Variants in SLC4A11 observed in about 807,000 individuals in gnomAD.
SLC4A11 encodes the protein solute carrier family 4 member 11.
A neutral mutation model predicts 95.0 loss-of-function variants in SLC4A11; 74 were observed. The ratio of observed to expected loss-of-function variants is 0.78; its 90% CI spans 0.65 to 0.95. The LOEUF (loss-of-function observed/expected upper bound fraction) is 0.95. Among genes scored for constraint, SLC4A11 ranks in the 40% least tolerant of loss-of-function variants. The pLI, the probability that SLC4A11 is intolerant of heterozygous loss-of-function variation, is 0.00. For missense variants in SLC4A11, 1,081 were observed against 1,192.4 expected (o/e 0.91, Z 1.38); for synonymous variants, 548 against 519.0 (o/e 1.06, Z -0.76).
chr20:3,233,648 C>A lies in SLC4A11; in HGVS notation c.606-11G>T. Reference sequence around the variant, plus strand: ...GCCTTCATGGTACAGCTGGCAGGGGCGGGGAGGACACAGTGCACAGTTGCA... The same window carrying A: ...GCCTTCATGGTACAGCTGGCAGGGGAGGGGAGGACACAGTGCACAGTTGCA... On this transcript the variant is annotated splice_polypyrimidine_tract_variant and intron_variant, in intron 6 of 19. Transcript: ENST00000642402. 6.2e-7 allele frequency: 1 copy of A among 1,611,168 alleles called. No homozygotes were observed. The highest frequency in any genetic ancestry group is 1.3e-5 in the African/African-American group (1 of 75,024).
chr20:3,228,616 A>G lies in SLC4A11; in HGVS notation c.2284T>C (p.Trp762Arg). Residue 762 changes from tryptophan to arginine, a missense_variant, in exon 18 of 20, where the codon TGG becomes CGG. Transcript: ENST00000642402. ...CCATAGAGCACGGGCTTGGGGATCC[A>G]CTGAAGCGGGACCGGCAGCAGCAAC... ...SLLLLPVPLQ[W>R]IPKPVLYGLF... The G allele has an allele frequency of 6.2e-7, 1 of 1,613,250 alleles. No individual in the cohort carries two copies.
intron 1 of SLC4A11, chr20:3,238,332 G>T (rs921200583): frequency 4.1e-6 from 4 of 985,370 alleles, no homozygotes; most frequent in African/African-American, 1.7e-5. Context: ...CCGCGTGCAC[G>T]AGAGGAAAGC....
rs929151699 is a variant in SLC4A11, at chr20:3,231,522, C to T, written c.756G>A (p.Val252=). 3 of 1,613,850 alleles carry T rather than the reference C, an allele frequency of 1.9e-6. No homozygotes were observed. Among genetic ancestry groups the T allele is most frequent in the Non-Finnish European group, 2.5e-6 (3 of 1,180,034 alleles). The change falls in exon 8 of 20, where the codon GTG becomes GTA. Residue 252 remains valine, a synonymous_variant. Coordinates refer to ENST00000642402, the MANE Select transcript of SLC4A11 (RefSeq NM_001174089.2). The surrounding 1 kb of genome is among the most constrained non-coding windows in gnomAD (Gnocchi z 5.2). ...AGAACATGGTGGCAAACGTGCGCGC[C>T]ACCTCCATCGCAGTCTTAGTGCTTT... is the stretch of plus-strand genomic sequence containing the variant. ...KMKSTKTAME[V]ARTFATMFSD... is the part of the protein sequence containing the mutation.
Position 3,233,695 on chromosome 20 carries a change from C to A in SLC4A11, c.606-58G>T, listed in dbSNP as rs1057065833. 1.9e-6 allele frequency: 3 copies of A among 1,603,284 alleles called. No homozygotes were observed. In the African/African-American group the frequency reaches 4.0e-5, roughly 21 times the overall value. ...TGCACCCCAGGGAGCTGGGGCTCCC[C>A]GACCCAGAACCCCCTCGACCTTGAC... On this transcript the variant is annotated intron_variant, in intron 6 of 19. Coordinates refer to ENST00000642402, the MANE Select transcript of SLC4A11 (RefSeq NM_001174089.2).
Position 3,234,776 on chromosome 20 carries a change from G to A in SLC4A11, c.207C>T (p.Val69=), listed in dbSNP as rs535910924. 1.2e-6 allele frequency: 2 copies of A among 1,613,978 alleles called. No homozygotes were observed. The highest frequency in any genetic ancestry group is 1.1e-5 in the South Asian group (1 of 91,076). ...TGGCCTGCATCTCAAGGTTGACATT[G>A]ACAAAAAAACGGATACTCTCGCCAG... is the stretch of plus-strand genomic sequence containing the variant. ...IVSGESIRFF[V]NVNLEMQATN... Residue 69 remains valine (V), a synonymous_variant, in exon 3 of 20, where the codon GTC becomes GTT. Coordinates refer to ENST00000642402, the MANE Select transcript of SLC4A11 (RefSeq NM_001174089.2). This position sits in a 1 kb window ranked among gnomAD's most constrained non-coding sequence, Gnocchi z 5.8.
At chr20:3,230,900 A>ACCCCCCCCCCCCCCCCCCCCC in intron 10 of SLC4A11, 33 bp downstream of exon 10, 13 of 1,610,626 alleles carry the variant, frequency 8.1e-6, no homozygotes, top group Non-Finnish European at 1.1e-5. Flanking sequence ...AGCCCAGCAT[A>ACCCCCCCCCCCCCCCCCCCCC]CCCCCACCCA....
chr20:3,229,757 A>G lies in SLC4A11; in HGVS notation c.1509T>C (p.Tyr503=). ...TGTGATAGTCGTCCAAGTAATGCCCATAGTAGTACTTCCAGAAGACTGTGG... is the reference window on the plus strand; with the variant it reads ...TGTGATAGTCGTCCAAGTAATGCCCGTAGTAGTACTTCCAGAAGACTGTGG... ...GTVKIFWKYY[Y]GHYLDDYHTK... is the part of the protein sequence containing the mutation. The change falls in exon 14 of 20, where the codon TAT becomes TAC. Residue 503 remains tyrosine, a synonymous_variant. Coordinates refer to ENST00000642402, the MANE Select transcript of SLC4A11 (RefSeq NM_001174089.2). 1.2e-6 allele frequency: 2 copies of G among 1,613,936 alleles called. No homozygotes were observed. The highest frequency in any genetic ancestry group is 8.5e-7 in the Non-Finnish European group (1 of 1,179,982).
Position 3,234,236 on chromosome 20 carries a change from C to T in SLC4A11, c.370G>A (p.Val124Ile), listed in dbSNP as rs148613811. ...AGGGAGGTGGCCGTCTCGTTCAGGA[C>T]GATGCTGGCCTGCGCCAGGAAGCCA... is the stretch of plus-strand genomic sequence containing the variant. ...LDGFLAQASI[V>I]LNETATSLDN... Residue 124 changes from valine (V) to isoleucine (I), a missense_variant, in exon 5 of 20, where the codon GTC becomes ATC. Val to Ile is a conservative substitution (Grantham distance 29). This residue lies in a region of SLC4A11 where 310 missense variants were observed against 313.5 expected (regional missense o/e 0.99). Transcript: ENST00000642402. The surrounding 1 kb of genome is among the most constrained non-coding windows in gnomAD (Gnocchi z 5.8). The T allele has an allele frequency of 7.2e-5, 116 of 1,614,048 alleles. No homozygotes were observed. In the Middle Eastern group the frequency reaches 8.2e-4, roughly 11 times the overall value.
intron 19 of SLC4A11, 53 bp from the exon 20 acceptor site, chr20:3,227,909 G>T: frequency 6.4e-7 from 1 of 1,568,390 alleles, no homozygotes. Context: ...GAAGGCAGTG[G>T]ACACCCATCC....
chr20:3,234,667 C>T lies in SLC4A11; in HGVS notation c.242-50G>A. The T allele has an allele frequency of 6.2e-7, 1 of 1,613,896 alleles. No individual in the cohort carries two copies. The highest frequency in any genetic ancestry group is 8.5e-7 in the Non-Finnish European group (1 of 1,180,010). ...TCAGGGTGCCACCCTCTCCTCAGGTCTTTCTTAGTAAGGCGAGTCACACCT... is the reference window on the plus strand; with the variant it reads ...TCAGGGTGCCACCCTCTCCTCAGGTTTTTCTTAGTAAGGCGAGTCACACCT... On this transcript the variant is annotated intron_variant, in intron 3 of 19. Coordinates refer to ENST00000642402, the MANE Select transcript of SLC4A11 (RefSeq NM_001174089.2). This position sits in a 1 kb window ranked among gnomAD's most constrained non-coding sequence, Gnocchi z 5.8.
intron 13 of SLC4A11, 69 bp from the exon 14 acceptor site, chr20:3,229,845 G>A (rs2067693624): frequency 6.2e-7 from 1 of 1,605,620 alleles, no homozygotes; most frequent in African/African-American, 1.3e-5. Flanking sequence ...GGAGGGAGGG[G>A]ATCTCAGGGA....
chr20:3,238,998 G>C, intron 1 of SLC4A11, 97 bp downstream of exon 1: 1 of 1,386,736 alleles, frequency 7.2e-7, no homozygotes, highest in East Asian at 3.2e-5. Context: ...GCCCGCGCAG[G>C]CAGACGGCAT....
At chr20:3,228,176 C>G in intron 19 of SLC4A11, 83 bp downstream of exon 19, 1 of 1,382,018 alleles carries the variant, frequency 7.2e-7, no homozygotes, top group Admixed American at 2.0e-5. Flanking sequence ...TAGGTGGGAC[C>G]CCTCCTCCCA....
In SLC4A11 at chr20:3,230,783, GC is replaced by G; in HGVS notation, c.1230del (p.Gln411SerfsTer4). On this transcript the variant is annotated frameshift_variant, in exon 11 of 20. Transcript: ENST00000642402. LOFTEE classifies it high-confidence loss of function. ...IGGLLYALFS[G>X]QPLVILLTTA... Reference sequence around the variant, plus strand: ...GTGGTCAGCAGAATCACCAATGGCTGCCCAGAGAAGAGCGCGTAGAGCAGGC... The same window carrying G: ...GTGGTCAGCAGAATCACCAATGGCTGCCAGAGAAGAGCGCGTAGAGCAGGC... 6.2e-7 allele frequency: 1 copy of G among 1,613,376 alleles called. No individual in the cohort carries two copies. The highest frequency in any genetic ancestry group is 8.5e-7 in the Non-Finnish European group (1 of 1,179,992).
At chr20:3,239,074 C>T (rs1241764084) in intron 1 of SLC4A11, 21 bp downstream of exon 1, 15 of 1,470,226 alleles carry the variant, frequency 1.0e-5, no homozygotes, top group South Asian at 1.3e-5. Context: ...TCCCGCCGCG[C>T]CCCCGGGTTC....
rs764665429 is a variant in SLC4A11 at position 3,234,742 on chromosome 20, C to A, written c.241G>T (p.Glu81Ter). ...VNLEMQATNT[E>*]NEATSGGCVL... is the part of the protein sequence containing the mutation. ...TCTGCCCCTGCTGCAGCCCCCATAC[C>A]AGTGTTGGTGGCCTGCATCTCAAGG... Residue 81 changes from glutamate to a stop codon, truncating the protein, a stop_gained and splice_region_variant, in exon 3 of 20, where the codon GAG (glutamate) becomes TAG (stop). Transcript: ENST00000642402. LOFTEE classifies it high-confidence loss of function. This position sits in a 1 kb window ranked among gnomAD's most constrained non-coding sequence, Gnocchi z 5.8. The A allele has an allele frequency of 6.2e-7, 1 of 1,613,964 alleles. No homozygotes were observed. Among genetic ancestry groups the A allele is most frequent in the Non-Finnish European group, 8.5e-7 (1 of 1,180,014 alleles).
intron 16 of SLC4A11, 35 bp downstream of exon 16, chr20:3,229,060 G>GGGCCCCCCC: frequency 1.3e-6 from 2 of 1,542,094 alleles, no homozygotes; most frequent in Non-Finnish European, 1.7e-6. Context: ...AGAGGCCCGG[G>GGGCCCCCCC]CCCCGCCCAC....
chr20:3,238,291 C>G (rs747741676), intron 1 of SLC4A11: 417 of 1,236,966 alleles, frequency 3.4e-4, no homozygotes, highest in Non-Finnish European at 4.0e-4. Flanking sequence ...GTTTGTGCCT[C>G]GCTGTCGGAG....
chr20:3,237,582 G>A lies in SLC4A11; in HGVS notation c.50C>T (p.Ser17Phe). The change falls in exon 2 of 20, where the codon TCT becomes TTT. Residue 17 changes from serine to phenylalanine, a missense_variant. Physicochemically the swap from Ser to Phe is radical, Grantham distance 155 (BLOSUM62 -2). Around this residue, in one of 3 missense-constraint regions of SLC4A11, gnomAD observed 310 missense variants for 313.5 expected, o/e 0.99. Transcript: ENST00000642402. ...GTATCCATTCTGCGACATGGTGGGA[G>A]AGTTTTCTGCAAGGGAAGCAGAAAG... Reference protein sequence around the residue: ...RVFHLQPCENSPTMSQNGYFE... With the variant: ...RVFHLQPCENFPTMSQNGYFE... 6.2e-7 allele frequency: 1 copy of A among 1,614,086 alleles called. No individual in the cohort carries two copies. The highest frequency in any genetic ancestry group is 8.5e-7 in the Non-Finnish European group (1 of 1,180,032).
Sources: allele counts gnomAD v4.1 joint callset, GRCh38; gene constraint gnomAD v4.1.1; regional missense constraint gnomAD v4.1.1; non-coding constraint Gnocchi (gnomAD v3.1); transcripts MANE v1.5; gene names NCBI Gene and HGNC (gene_info 2026-07-23, HGNC 2026-07-21).